The following NTNG1 variants were observed in gnomAD, a reference collection of about 807,000 sequenced individuals.
NTNG1 encodes the protein netrin G1, also known as netrin-G1.
NTNG1 carries 16 observed loss-of-function variants against 54.0 expected under a neutral mutation model. That is an observed-to-expected ratio of 0.30 (90% CI 0.20 to 0.45). The LOEUF (loss-of-function observed/expected upper bound fraction) is 0.45, where lower values mean the gene tolerates loss of function less well. Ranked by LOEUF, NTNG1 falls within the 20% of genes least tolerant of loss-of-function variation. NTNG1 has a pLI of 1.00. For synonymous variants in NTNG1, 255 were observed against 263.1 expected, an observed-to-expected ratio of 0.97 and a Z score of 0.30; for missense variants, 530 against 678.7, an observed-to-expected ratio of 0.78 and a Z score of 2.43.
intron 5 of NTNG1, chr1:107,409,862 T>C (rs1673682260): frequency 1.3e-5 from 2 of 152,246 alleles, no homozygotes; most frequent in South Asian, 4.1e-4. Context: ...TTGTATCTTC[T>C]AGGCTGCTTT....
At chr1:107,289,331 A>T (rs1329570270) in intron 2 of NTNG1, among the ~76,000 whole-genome samples, 1 of 152,170 alleles carries the variant, frequency 6.6e-6, no homozygotes, top group Non-Finnish European at 1.5e-5. Context: ...GTCAGTCATC[A>T]AACAAGCTCA....
intron 3 of NTNG1, among the ~76,000 whole-genome samples, chr1:107,380,499 C>T (rs186316805): frequency 9.9e-5 from 15 of 152,128 alleles, no homozygotes; most frequent in Admixed American, 3.3e-4. Context: ...TTGTATCTCT[C>T]TCATAAAGCT....
chr1:107,353,400 C>T (rs1028036549), intron 3 of NTNG1, among the ~76,000 whole-genome samples: 2 of 152,166 alleles, frequency 1.3e-5, no homozygotes, highest in Non-Finnish European at 2.9e-5. Context: ...CAGGGCACAA[C>T]GCAGTCAACA....
At chr1:107,232,703 G>A (rs968193320) in intron 2 of NTNG1, among the ~76,000 whole-genome samples, 1 of 152,144 alleles carries the variant, frequency 6.6e-6, no homozygotes, top group South Asian at 2.1e-4. Context: ...GGAATGCCTT[G>A]CATCTTGTAA....
At chr1:107,274,458 T>G (rs1234890942) in intron 2 of NTNG1, among the ~76,000 whole-genome samples, 1 of 152,210 alleles carries the variant, frequency 6.6e-6, no homozygotes, top group Non-Finnish European at 1.5e-5. Context: ...TTAGGTCATT[T>G]ATGCCTCACT....
At chr1:107,424,728 G>T (rs1674789180) in intron 5 of NTNG1, among the ~76,000 whole-genome samples, 2 of 152,122 alleles carry the variant, frequency 1.3e-5, no homozygotes, top group South Asian at 2.1e-4. Context: ...ACAAGTTAAA[G>T]TTGAAATGTT....
At chr1:107,357,260 A>T (rs967056344) in intron 3 of NTNG1, among the ~76,000 whole-genome samples, 1 of 134,066 alleles carries the variant, frequency 7.5e-6, no homozygotes, top group Non-Finnish European at 1.6e-5. Flanking sequence ...TGCTGACCTG[A>T]TCCTCATTGA....
At chr1:107,164,233 T>G (rs1339841218) in intron 2 of NTNG1, among the ~76,000 whole-genome samples, 2 of 152,198 alleles carry the variant, frequency 1.3e-5, no homozygotes, top group African/African-American at 2.4e-5. Flanking sequence ...CACCTCTAGC[T>G]TGGTTGGACT....
At chr1:107,304,984 G>C (rs1384420166) in intron 2 of NTNG1, among the ~76,000 whole-genome samples, 1 of 152,114 alleles carries the variant, frequency 6.6e-6, no homozygotes, top group Non-Finnish European at 1.5e-5. Flanking sequence ...AGAACATGTG[G>C]TGTTTGCTTT....
chr1:107,465,635 A>T (rs2101561464), intron 7 of NTNG1, among the ~76,000 whole-genome samples: 1 of 152,314 alleles, frequency 6.6e-6, no homozygotes, highest in African/African-American at 2.4e-5. Flanking sequence ...ATCTTAAAGA[A>T]TGGGTGGAGA....
intron 3 of NTNG1, among the ~76,000 whole-genome samples, chr1:107,390,531 C>T (rs1347642996): frequency 3.3e-5 from 5 of 152,262 alleles, no homozygotes; most frequent in African/African-American, 7.2e-5. Context: ...AATTTCATAG[C>T]GTCTCCTTTC....
chr1:107,431,028 C>T, intron 6 of NTNG1, 111 bp downstream of exon 6: 1 of 914,524 alleles, frequency 1.1e-6, no homozygotes. Flanking sequence ...AATGAACTTT[C>T]TCAATGTAGA....
At chr1:107,295,295 C>T (rs560481037) in intron 2 of NTNG1, among the ~76,000 whole-genome samples, 14 of 152,212 alleles carry the variant, frequency 9.2e-5, no homozygotes, top group Admixed American at 9.2e-4. Flanking sequence ...TACCTTTTTG[C>T]TCATTCATTG....
chr1:107,146,023 A>G (rs1654080100), intron 1 of NTNG1, among the ~76,000 whole-genome samples: 1 of 152,144 alleles, frequency 6.6e-6, no homozygotes, highest in African/African-American at 2.4e-5. Flanking sequence ...AGGACAGAGT[A>G]ACCGAGAATA....
chr1:107,387,128 C>T (rs182281802), intron 3 of NTNG1, among the ~76,000 whole-genome samples: 1 of 152,150 alleles, frequency 6.6e-6, no homozygotes, highest in East Asian at 1.9e-4. Context: ...GTTAGCATTC[C>T]TAATATGTTC....
chr1:107,332,997 GAAA>G (rs911584991), intron 3 of NTNG1, among the ~76,000 whole-genome samples: 1 of 151,776 alleles, frequency 6.6e-6, no homozygotes. Flanking sequence ...GAAAAACATT[GAAA>G]AAAATGGATG....
At chr1:107,372,098 CTTAA>C (rs1557941941) in intron 3 of NTNG1, among the ~76,000 whole-genome samples, 1 of 151,988 alleles carries the variant, frequency 6.6e-6, no homozygotes, top group East Asian at 1.9e-4. Context: ...AGAGATTCAA[CTTAA>C]TTTATCTTCT....
intron 2 of NTNG1, among the ~76,000 whole-genome samples, chr1:107,283,175 C>T (rs970859760): frequency 7.9e-5 from 12 of 152,292 alleles, no homozygotes; most frequent in African/African-American, 2.6e-4. Flanking sequence ...GAGTAGCACC[C>T]AGTCTTTCCC....
At chr1:107,225,486 G>C (rs1660614264) in intron 2 of NTNG1, among the ~76,000 whole-genome samples, 1 of 152,144 alleles carries the variant, frequency 6.6e-6, no homozygotes, top group African/African-American at 2.4e-5. Context: ...TTCAGACATT[G>C]CTTTGGATTT....
Sources: gnomAD v4.1 joint callset for allele counts (sites outside exome capture counted in the v4.1 genomes callset) on GRCh38, gnomAD v4.1.1 for gene constraint, MANE v1.5 for transcripts, NCBI Gene and HGNC (gene_info 2026-07-23, HGNC 2026-07-21) for gene names.